TMEM132B: variants seen among roughly 807,000 people sequenced by gnomAD.
TMEM132B encodes the protein transmembrane protein 132B.
In TMEM132B, 18 loss-of-function variants were observed where a neutral mutation model predicts 90.8. That is an observed-to-expected ratio of 0.20 (90% CI 0.14 to 0.29). TMEM132B has a LOEUF of 0.29. Ranked by LOEUF, TMEM132B falls within the 10% of genes least tolerant of loss-of-function variation. The pLI is 1.00. For missense variants in TMEM132B, 1,096 were observed against 1,326.8 expected, an observed-to-expected ratio of 0.83 and a Z score of 2.70; for synonymous variants, 504 against 523.3, an observed-to-expected ratio of 0.96 and a Z score of 0.50.
intron 1 of TMEM132B, among the ~76,000 whole-genome samples, chr12:125,268,870 C>T (rs1209220600): frequency 1.3e-5 from 2 of 152,204 alleles, no homozygotes; most frequent in Non-Finnish European, 2.9e-5. Context: ...CACACAGCAG[C>T]TGGGGGCTAG....
At chr12:125,573,723 G>A (rs1038751601) in intron 4 of TMEM132B, among the ~76,000 whole-genome samples, 1 of 152,196 alleles carries the variant, frequency 6.6e-6, no homozygotes, top group Non-Finnish European at 1.5e-5. Flanking sequence ...GAAAGGGAGA[G>A]TGTGAAGTCT....
intron 3 of TMEM132B, among the ~76,000 whole-genome samples, chr12:125,474,056 T>TTCCTTTCC (rs1555252177): frequency 3.1e-5 from 4 of 129,482 alleles, no homozygotes; most frequent in East Asian, 2.3e-4. Flanking sequence ...CCTTCTTTCT[T>TTCCTTTCC]TTTCCTTTCC....
chr12:125,432,526 T>TAGAGAG lies in TMEM132B; in HGVS notation c.1106+16850_1106+16851insGAGAGA, dbSNP rs1257848953. Among the ~76,000 whole-genome samples, 22 of 58,420 alleles carry TAGAGAG rather than the reference T, an allele frequency of 3.8e-4. 5 individuals are homozygous for TAGAGAG. The highest frequency in any genetic ancestry group is 2.3e-3 in the South Asian group (4 of 1,708). The allele number at this position is 58,420 out of a possible 152,430, so 38.3% of individuals were successfully genotyped here. ...ATGTGTGTGTGTATATATATATATA[T>TAGAGAG]ATAGAGAGAGAGAGAGAGAGAGAGA... On this transcript the variant is annotated intron_variant, in intron 3 of 8. Transcript: ENST00000682704.
intron 1 of TMEM132B, among the ~76,000 whole-genome samples, chr12:125,226,955 G>A (rs1385536808): frequency 6.6e-6 from 1 of 152,204 alleles, no homozygotes; most frequent in African/African-American, 2.4e-5. Context: ...ATAATTACAT[G>A]TGTCATAAAC....
intron 5 of TMEM132B, among the ~76,000 whole-genome samples, chr12:125,589,407 G>A (rs911737707): frequency 1.4e-5 from 2 of 142,786 alleles, no homozygotes; most frequent in Non-Finnish European, 3.0e-5. Context: ...GCGTGAACCC[G>A]GGACGCGGAG....
intron 5 of TMEM132B, among the ~76,000 whole-genome samples, chr12:125,596,816 T>G (rs891699171): frequency 1.3e-5 from 2 of 152,228 alleles, no homozygotes; most frequent in African/African-American, 4.8e-5. Flanking sequence ...ACATCCTTTG[T>G]GTCTAACAAA....
intron 1 of TMEM132B, among the ~76,000 whole-genome samples, chr12:125,285,307 G>A (rs1015649441): frequency 6.6e-6 from 1 of 152,204 alleles, no homozygotes; most frequent in African/African-American, 2.4e-5. Context: ...AAGATTTCCT[G>A]GCTAGCACTA....
At chr12:125,414,509 G>A (rs183899200) in intron 2 of TMEM132B, among the ~76,000 whole-genome samples, 1 of 152,104 alleles carries the variant, frequency 6.6e-6, no homozygotes, top group East Asian at 1.9e-4. Flanking sequence ...CATGGGAGAG[G>A]GTGCCCAGGG....
intron 1 of TMEM132B, among the ~76,000 whole-genome samples, chr12:125,216,087 G>A (rs1221450891): frequency 2.0e-5 from 3 of 152,232 alleles, no homozygotes; most frequent in African/African-American, 7.2e-5. Context: ...GATTCCATCT[G>A]CCTCCTGTAT....
At chr12:125,239,678 G>T (rs1874020195) in intron 1 of TMEM132B, among the ~76,000 whole-genome samples, 1 of 152,236 alleles carries the variant, frequency 6.6e-6, no homozygotes, top group Admixed American at 6.5e-5. Flanking sequence ...CAGCCTGGGG[G>T]CACTTATGTG....
intron 4 of TMEM132B, among the ~76,000 whole-genome samples, chr12:125,546,287 A>G (rs1884091213): frequency 6.6e-6 from 1 of 151,770 alleles, no homozygotes; most frequent in Admixed American, 6.6e-5. Flanking sequence ...GGTTCATGCC[A>G]TTCTCCTGCC....
chr12:125,451,020 C>T (rs1241291068), intron 3 of TMEM132B, among the ~76,000 whole-genome samples: 1 of 151,908 alleles, frequency 6.6e-6, no homozygotes, highest in African/African-American at 2.4e-5. Context: ...TTGTACTCTT[C>T]AAAAGTGTCA....
chr12:125,238,363 A>T lies in TMEM132B; in HGVS notation c.67+51497A>T, dbSNP rs1313049627. ...GCAAGACTCCGTCTCAAAAAAAAAA[A>T]ACCAAAAAAAAAACAAAAAAAAACC... On this transcript the variant is annotated intron_variant, in intron 1 of 8. Transcript: ENST00000682704. Among the ~76,000 whole-genome samples, 4 of 132,318 alleles carry T rather than the reference A, an allele frequency of 3.0e-5. 1 individual carries two copies. Among genetic ancestry groups the T allele is most frequent in the African/African-American group, 1.2e-4 (4 of 33,936 alleles). The allele number at this position is 132,318 out of a possible 152,430, so 86.8% of individuals were successfully genotyped here.
intron 2 of TMEM132B, among the ~76,000 whole-genome samples, chr12:125,391,039 TAG>T (rs56365907): frequency 0.16 from 23,635 of 143,514 alleles, 2,336 homozygotes; most frequent in East Asian, 0.38. Flanking sequence ...TACTAAAGAA[TAG>T]TGTGTGTGTG....
chr12:125,373,956 G>A (rs771809212), intron 2 of TMEM132B, among the ~76,000 whole-genome samples: 3 of 152,112 alleles, frequency 2.0e-5, no homozygotes, highest in Non-Finnish European at 4.4e-5. Flanking sequence ...CACCAAGCCT[G>A]GCTAATTTTT....
intron 2 of TMEM132B, among the ~76,000 whole-genome samples, chr12:125,381,945 C>T (rs1025395979): frequency 2.6e-5 from 4 of 152,134 alleles, no homozygotes; most frequent in African/African-American, 9.7e-5. Context: ...GGGTCTGGTG[C>T]TTCTGATCAG....
chr12:125,450,185 C>A (rs911475317), intron 3 of TMEM132B, among the ~76,000 whole-genome samples: 4 of 152,120 alleles, frequency 2.6e-5, no homozygotes, highest in Admixed American at 6.5e-5. Flanking sequence ...ATTTTATATT[C>A]TTTTGTATTC....
chr12:125,645,786 A>G (rs1420805356), intron 6 of TMEM132B, among the ~76,000 whole-genome samples: 1 of 152,150 alleles, frequency 6.6e-6, no homozygotes, highest in Non-Finnish European at 1.5e-5. Flanking sequence ...GCTTTAAACC[A>G]TGAAGTTTGT....
intron 2 of TMEM132B, among the ~76,000 whole-genome samples, chr12:125,365,563 CTCT>C (rs1878103917): frequency 6.6e-6 from 1 of 152,022 alleles, no homozygotes; most frequent in Admixed American, 6.6e-5. Flanking sequence ...TGTATGACTT[CTCT>C]TGGCAATTTT....
Sources: allele counts gnomAD v4.1 joint callset (sites outside exome capture counted in the v4.1 genomes callset), GRCh38; gene constraint gnomAD v4.1.1; transcripts MANE v1.5; gene names NCBI Gene and HGNC (gene_info 2026-07-23, HGNC 2026-07-21).